Variants in DPH6 observed in about 807,000 individuals in gnomAD.
The protein encoded by DPH6 is diphthamine biosynthesis 6.
DPH6 carries 33 observed loss-of-function variants against 38.2 expected under a neutral mutation model. That is an observed-to-expected ratio of 0.86 (90% confidence interval 0.65 to 1.15). The LOEUF (loss-of-function observed/expected upper bound fraction) is 1.15. Among genes scored for constraint, DPH6 ranks in the 50% most tolerant of loss-of-function variants. DPH6 has a pLI of 0.00. For synonymous variants in DPH6, 108 were observed against 103.0 expected, an observed-to-expected ratio of 1.05 and a Z score of -0.30; for missense variants, 325 against 320.0, an observed-to-expected ratio of 1.02 and a Z score of -0.12.
the DPH6 span, among the ~76,000 whole-genome samples, chr15:35,151,232 G>A: frequency 2.6e-4 from 40 of 152,244 alleles, no homozygotes; most frequent in Middle Eastern, 0.01. Flanking sequence ...TTACAGCATT[G>A]TTTGTAAAAC....
At chr15:35,357,619 G>T (rs542782354) in intron 3 of DPH6, among the ~76,000 whole-genome samples, 6 of 152,162 alleles carry the variant, frequency 3.9e-5, no homozygotes, top group Admixed American at 3.3e-4. Context: ...GAAAATGACT[G>T]TATCTTTCCT....
intron 3 of DPH6, among the ~76,000 whole-genome samples, chr15:35,340,422 G>C (rs2052411816): frequency 6.6e-6 from 1 of 152,134 alleles, no homozygotes; most frequent in Non-Finnish European, 1.5e-5. Flanking sequence ...CTGTCATCAT[G>C]AAGCTAGCTG....
chr15:35,386,277 T>A (rs1279913762), intron 6 of DPH6, among the ~76,000 whole-genome samples: 1 of 152,238 alleles, frequency 6.6e-6, no homozygotes, highest in East Asian at 1.9e-4. Flanking sequence ...TTCCAAGTCT[T>A]TGCTATTGTG....
chr15:35,462,040 G>A (rs2054072765), intron 3 of DPH6, among the ~76,000 whole-genome samples: 1 of 152,064 alleles, frequency 6.6e-6, no homozygotes, highest in East Asian at 1.9e-4. Context: ...TTGTTATTCA[G>A]GCCAAAAACT....
intron 6 of DPH6, among the ~76,000 whole-genome samples, chr15:35,387,368 A>G (rs551972369): frequency 3.3e-5 from 5 of 152,282 alleles, no homozygotes; most frequent in South Asian, 2.1e-4. Context: ...GTTTTTTCCA[A>G]TTCTGTGAAG....
chr15:35,407,571 C>A (rs78777119), intron 6 of DPH6, among the ~76,000 whole-genome samples: 16 of 151,874 alleles, frequency 1.1e-4, no homozygotes, highest in African/African-American at 3.6e-4. Flanking sequence ...AACAGATGAA[C>A]AAATAAAATA....
At chr15:35,377,326 T>A (rs1363496201) in intron 7 of DPH6, among the ~76,000 whole-genome samples, 1 of 150,514 alleles carries the variant, frequency 6.6e-6, no homozygotes. Flanking sequence ...CGTCCACCCA[T>A]CCATCCATCC....
At chr15:35,427,029 A>G (rs1267931090) in intron 5 of DPH6, among the ~76,000 whole-genome samples, 1 of 151,784 alleles carries the variant, frequency 6.6e-6, no homozygotes. Flanking sequence ...GATAAAAAAA[A>G]AGACAAAAGG....
At chr15:35,298,368 A>T (rs1344670087) in intron 3 of DPH6, 2 of 684,662 alleles carry the variant, frequency 2.9e-6, no homozygotes, top group Non-Finnish European at 5.5e-6. Context: ...TGCTGATTTA[A>T]CTCTCTCAAA....
At chr15:35,539,908 C>T (rs2055226959) in intron 2 of DPH6, among the ~76,000 whole-genome samples, 1 of 152,054 alleles carries the variant, frequency 6.6e-6, no homozygotes, top group African/African-American at 2.4e-5. Context: ...CACATTGTTA[C>T]TATAAATGTT....
At chr15:35,498,636 C>T (rs1458316633) in intron 3 of DPH6, among the ~76,000 whole-genome samples, 1 of 152,108 alleles carries the variant, frequency 6.6e-6, no homozygotes, top group Non-Finnish European at 1.5e-5. Flanking sequence ...ATAATCCTTA[C>T]TGATTCAAAT....
chr15:35,188,532 A>G, the DPH6 span, among the ~76,000 whole-genome samples: 91 of 152,250 alleles, frequency 6.0e-4, no homozygotes, highest in Non-Finnish European at 1.0e-3. Flanking sequence ...CCTCTTCCAA[A>G]TGTACTTGAC....
intron 3 of DPH6, among the ~76,000 whole-genome samples, chr15:35,334,164 G>T (rs1025003269): frequency 1.3e-5 from 2 of 151,912 alleles, no homozygotes; most frequent in African/African-American, 4.8e-5. Context: ...ATAAGATTCT[G>T]CCAATTTCAG....
At chr15:35,282,701 G>T in intron 3 of DPH6, 1 of 389,184 alleles carries the variant, frequency 2.6e-6, no homozygotes. Context: ...TTACATTGAT[G>T]TGCCATGCCT....
At chr15:35,270,682 C>T (rs1208496663) in intron 3 of DPH6, among the ~76,000 whole-genome samples, 1 of 152,154 alleles carries the variant, frequency 6.6e-6, no homozygotes, top group Non-Finnish European at 1.5e-5. Context: ...TCTTGAAATA[C>T]TAAATATTCC....
At chr15:35,159,803 T>G in the DPH6 span, among the ~76,000 whole-genome samples, 2 of 152,004 alleles carry the variant, frequency 1.3e-5, no homozygotes, top group Admixed American at 1.3e-4. Flanking sequence ...AGATTCAACC[T>G]GGTGCCCATC....
intron 3 of DPH6, among the ~76,000 whole-genome samples, chr15:35,342,517 A>G (rs2052429859): frequency 6.6e-6 from 1 of 152,158 alleles, no homozygotes; most frequent in African/African-American, 2.4e-5. Flanking sequence ...GTCCCAATGC[A>G]AGAACCTGGA....
chr15:35,542,206 G>A (rs1219465778), intron 2 of DPH6, among the ~76,000 whole-genome samples: 1 of 152,024 alleles, frequency 6.6e-6, no homozygotes, highest in Non-Finnish European at 1.5e-5. Flanking sequence ...AAGATTAATA[G>A]TGCATCTCTA....
At chr15:35,321,074 T>A (rs909785352) in intron 3 of DPH6, among the ~76,000 whole-genome samples, 5 of 152,344 alleles carry the variant, frequency 3.3e-5, no homozygotes, top group Admixed American at 3.3e-4. Flanking sequence ...TCTGGTCCCA[T>A]GATGACCTCT....
Sources: gnomAD v4.1 joint callset for allele counts (sites outside exome capture counted in the v4.1 genomes callset) on GRCh38, gnomAD v4.1.1 for gene constraint, MANE v1.5 for transcripts, NCBI Gene and HGNC (gene_info 2026-07-23, HGNC 2026-07-21) for gene names.